Variants in ROR1 observed in about 807,000 individuals in gnomAD.
The protein encoded by ROR1 is ROR family WNT receptor 1.
Under a neutral mutation model 78.8 loss-of-function variants are expected in ROR1, and 19 were observed. The ratio of observed to expected loss-of-function variants is 0.24; its 90% CI spans 0.17 to 0.35. The LOEUF (loss-of-function observed/expected upper bound fraction) is 0.35, where lower values mean the gene tolerates loss of function less well. ROR1 is among the 10% of genes least tolerant of loss of function. The probability of loss-of-function intolerance (pLI) is 1.00; values close to 1 mark genes in which losing one functional copy is unlikely to be tolerated. For synonymous variants in ROR1, 386 were observed against 433.6 expected (o/e 0.89, Z 1.36); for missense variants, 917 against 1,177.8 (o/e 0.78, Z 3.24).
At chr1:63,818,648 G>C (rs570512959) in intron 1 of ROR1, among the ~76,000 whole-genome samples, 7 of 152,296 alleles carry the variant, frequency 4.6e-5, no homozygotes, top group African/African-American at 1.4e-4. Flanking sequence ...CTTATGTTTA[G>C]GTAGAGCCCA....
intron 2 of ROR1, among the ~76,000 whole-genome samples, chr1:64,032,399 T>C (rs534376023): frequency 1.4e-4 from 21 of 149,934 alleles, no homozygotes; most frequent in South Asian, 1.1e-3. Flanking sequence ...TGCATGGAGA[T>C]TGGGGGAGGA....
At chr1:63,825,503 G>C (rs1217430235) in intron 1 of ROR1, among the ~76,000 whole-genome samples, 1 of 152,234 alleles carries the variant, frequency 6.6e-6, no homozygotes, top group African/African-American at 2.4e-5. Context: ...AAGCAGATCA[G>C]TGTTTGCCTC....
At chr1:64,129,102 T>A (rs2100696731) in intron 4 of ROR1, among the ~76,000 whole-genome samples, 1 of 152,346 alleles carries the variant, frequency 6.6e-6, no homozygotes, top group East Asian at 1.9e-4. Flanking sequence ...AAACTCACCA[T>A]TGCTTTTTAC....
chr1:64,166,876 A>G (rs1357897420), intron 8 of ROR1, among the ~76,000 whole-genome samples: 1 of 152,166 alleles, frequency 6.6e-6, no homozygotes, highest in Admixed American at 6.5e-5. Context: ...GCTTAAACCA[A>G]TGTCTATAGA....
chr1:64,014,908 C>G (rs548038120), intron 2 of ROR1, among the ~76,000 whole-genome samples: 1 of 149,680 alleles, frequency 6.7e-6, no homozygotes, highest in Non-Finnish European at 1.5e-5. Flanking sequence ...TTTTGCTCAC[C>G]TGTGGATGGA....
At chr1:63,795,282 G>A (rs1644753370) in intron 1 of ROR1, among the ~76,000 whole-genome samples, 1 of 152,244 alleles carries the variant, frequency 6.6e-6, no homozygotes. Flanking sequence ...GTGCCTTTAA[G>A]TGTTATCCTC....
intron 4 of ROR1, chr1:64,106,650 G>C (rs1647824267): frequency 6.6e-6 from 1 of 152,134 alleles, no homozygotes; most frequent in East Asian, 1.9e-4. Flanking sequence ...CTAGTTTATT[G>C]AGTTTTTAAC....
Position 64,180,353 on chromosome 1 carries a change from G to T in ROR1, c.*1498G>T, listed in dbSNP as rs1002942255. 6.6e-6 allele frequency: 1 copy of T among 152,074 alleles called. No homozygotes were observed. Among genetic ancestry groups the T allele is most frequent in the Non-Finnish European group, 1.5e-5 (1 of 68,008 alleles). The allele number at this position is 152,074 out of a possible 1,614,324, so 9.4% of individuals were successfully genotyped here. A position where few individuals can be genotyped will look rare whatever the true frequency, so the allele number is the denominator to read the frequency against. ...TAAGAGACTTCTAAAGAGACTTACG[G>T]GATATAAAAGTAATTCCTGGAAATG... On this transcript the variant is annotated 3_prime_UTR_variant, in exon 9 of 9. Transcript: ENST00000371079.
intron 4 of ROR1, among the ~76,000 whole-genome samples, chr1:64,072,852 G>A (rs1048965109): frequency 2.2e-4 from 34 of 152,234 alleles, no homozygotes; most frequent in Admixed American, 2.0e-4. Flanking sequence ...AGATCCCAAC[G>A]TCTGGATTCC....
intron 1 of ROR1, among the ~76,000 whole-genome samples, chr1:63,798,112 T>C (rs1458690231): frequency 6.6e-6 from 1 of 152,090 alleles, no homozygotes; most frequent in Non-Finnish European, 1.5e-5. Context: ...GGAACAGACA[T>C]TTTCTGAGAC....
chr1:64,088,992 AT>A (rs1168216535), intron 4 of ROR1, among the ~76,000 whole-genome samples: 1 of 151,712 alleles, frequency 6.6e-6, no homozygotes, highest in Admixed American at 6.6e-5. Flanking sequence ...TTTTTTAAGA[AT>A]TTTTTTTACT....
chr1:63,863,804 T>TTG (rs1273822103), intron 1 of ROR1, among the ~76,000 whole-genome samples: 2 of 120,994 alleles, frequency 1.7e-5, no homozygotes, highest in African/African-American at 4.0e-5. Flanking sequence ...TTGTATTGTA[T>TTG]CATAGATGGC....
At chr1:64,031,636 C>G (rs558195427) in intron 2 of ROR1, among the ~76,000 whole-genome samples, 2 of 152,168 alleles carry the variant, frequency 1.3e-5, no homozygotes, top group South Asian at 2.1e-4. Context: ...ATACATAACC[C>G]TTTTTGTCTG....
Position 64,049,928 on chromosome 1 carries a change from C to T in ROR1, c.401C>T (p.Thr134Ile), listed in dbSNP as rs1472682924. 2 of 1,614,080 alleles carry T rather than the reference C, an allele frequency of 1.2e-6. No individual in the cohort carries two copies. Among genetic ancestry groups the T allele is most frequent in the Non-Finnish European group, 1.7e-6 (2 of 1,180,048 alleles). The stretch of plus-strand genomic sequence containing the variant: ...ACAGGCTACTTCCAGTGCGTGGCAA[C>T]AAACGGCAAGGAGGTGGTTTCTTCC... ...TDTGYFQCVA[T>I]NGKEVVSSTG... Residue 134 changes from threonine (T) to isoleucine (I), a missense_variant, in exon 3 of 9, where the codon ACA becomes ATA. Physicochemically the swap from Thr to Ile is moderately conservative, Grantham distance 89. Around this residue, in one of 3 missense-constraint regions of ROR1, gnomAD observed 835 missense variants for 1,069.8 expected, o/e 0.78. Transcript: ENST00000371079.
At chr1:64,040,021 G>A (rs834339) in intron 2 of ROR1, among the ~76,000 whole-genome samples, 3 of 152,156 alleles carry the variant, frequency 2.0e-5, no homozygotes, top group South Asian at 2.1e-4. Context: ...GTAATAGCTG[G>A]TGGTTTTGTT....
At chr1:63,841,272 C>T (rs1416013094) in intron 1 of ROR1, among the ~76,000 whole-genome samples, 5 of 152,264 alleles carry the variant, frequency 3.3e-5, no homozygotes, top group East Asian at 3.9e-4. Flanking sequence ...AACTAAATTC[C>T]GGTCTGGTGT....
chr1:63,871,337 CT>C (rs1645250193), intron 1 of ROR1, among the ~76,000 whole-genome samples: 1 of 152,096 alleles, frequency 6.6e-6, no homozygotes, highest in Admixed American at 6.6e-5. Flanking sequence ...AAGTTGAGGC[CT>C]CGAGCTGAGG....
chr1:64,087,188 C>T (rs1300041988), intron 4 of ROR1, among the ~76,000 whole-genome samples: 3 of 152,194 alleles, frequency 2.0e-5, no homozygotes, highest in African/African-American at 7.2e-5. Flanking sequence ...ATCTTGGCTC[C>T]TGCCCCACCC....
intron 1 of ROR1, among the ~76,000 whole-genome samples, chr1:63,973,158 G>A (rs771148496): frequency 3.3e-5 from 5 of 152,152 alleles, no homozygotes; most frequent in African/African-American, 4.8e-5. Flanking sequence ...CTTGTCTCCC[G>A]TTCTTTCCCT....
Sources: allele counts gnomAD v4.1 joint callset (sites outside exome capture counted in the v4.1 genomes callset), GRCh38; gene constraint gnomAD v4.1.1; regional missense constraint gnomAD v4.1.1; transcripts MANE v1.5; gene names NCBI Gene and HGNC (gene_info 2026-07-23, HGNC 2026-07-21).